Variants in XPO5 observed in about 807,000 individuals in gnomAD.
The protein encoded by XPO5 is exportin-5.
A neutral mutation model predicts 160.6 loss-of-function variants in XPO5; 46 were observed. The observed-to-expected ratio is 0.29, with a 90% CI of 0.23 to 0.37. The LOEUF is 0.37. Among genes scored for constraint, XPO5 ranks in the 10% least tolerant of loss-of-function variants. XPO5 has a pLI of 1.00. For synonymous variants in XPO5, 537 were observed against 519.3 expected (o/e 1.03, Z -0.46); for missense variants, 1,090 against 1,463.9 (o/e 0.74, Z 4.17).
chr6:43,541,713 G>A (rs1316973675), intron 20 of XPO5, among the ~76,000 whole-genome samples: 1 of 152,160 alleles, frequency 6.6e-6, no homozygotes, highest in Non-Finnish European at 1.5e-5. Flanking sequence ...ATAATGTTTT[G>A]AAGGTTGATC....
At chr6:43,551,548 G>T in intron 14 of XPO5, 95 bp from the exon 15 acceptor site, 6 of 1,456,002 alleles carry the variant, frequency 4.1e-6, no homozygotes, top group South Asian at 1.3e-5. Context: ...AAAGAGACAG[G>T]GTCTCATTCT....
Position 43,549,542 on chromosome 6 carries a change from G to A in XPO5, c.1807C>T (p.His603Tyr). The change falls in exon 17 of 32, where the codon CAT becomes TAT. Residue 603 changes from histidine to tyrosine, a missense_variant. By Grantham distance (83) the His-to-Tyr change is moderately conservative. Transcript: ENST00000265351. ...ATCTTGATGATGGAGGAACAAGCAT[G>A]CCTCCTCACATTCCTCACTGCCCGG... ...RTRAVRNVRR[H>Y]ACSSIIKMCR... 1 of 1,613,342 alleles carries A rather than the reference G, an allele frequency of 6.2e-7. No homozygotes were observed. Among genetic ancestry groups the A allele is most frequent in the Non-Finnish European group, 8.5e-7 (1 of 1,179,710 alleles).
intron 3 of XPO5, among the ~76,000 whole-genome samples, chr6:43,571,868 C>T (rs1291337011): frequency 6.6e-6 from 1 of 151,668 alleles, no homozygotes; most frequent in Non-Finnish European, 1.5e-5. Context: ...TAAAATTCTG[C>T]ATGTTTTTCA....
At position 43,522,602 on chromosome 6, in the gene XPO5, G is replaced by C. The variant is rs998638441; in HGVS notation, c.*1266C>G. ...CACACAGGAAGAGGGAGCAACACAA[G>C]ACTCCCAACTTCTGCTTCCCCAGCT... On this transcript the variant is annotated 3_prime_UTR_variant, in exon 32 of 32. Coordinates refer to ENST00000265351, the MANE Select transcript of XPO5 (RefSeq NM_020750.3). 1.6e-5 allele frequency: 6 copies of C among 370,878 alleles called. No homozygotes were observed. In the East Asian group the frequency reaches 3.4e-4, roughly 21 times the overall value. 23.0% of individuals were successfully genotyped at this position (370,878 alleles called of 1,614,324 possible).
In XPO5 at chr6:43,537,998, T is replaced by C. The variant is rs925035059; in HGVS notation, c.2343-3991A>G. 1.2e-4 allele frequency among the ~76,000 whole-genome samples: 18 copies of C among 148,478 alleles called. 1 individual carries two copies. Among genetic ancestry groups the C allele is most frequent in the East Asian group, 1.2e-3 (6 of 4,986 alleles). On this transcript the variant is annotated intron_variant, in intron 20 of 31. Transcript: ENST00000265351. ...CAGTCGAGAGGCTGAGGCAGGAGAA[T>C]TGCTTGATCCCGGGAGGCGGAGGGT...
Position 43,560,218 on chromosome 6 carries a change from A to G in XPO5, c.1181T>C (p.Ile394Thr), listed in dbSNP as rs748237210. The G allele has an allele frequency of 6.2e-5, 100 of 1,612,358 alleles. No homozygotes were observed. The highest frequency in any genetic ancestry group is 8.5e-5 in the Non-Finnish European group (100 of 1,179,180). Residue 394 changes from isoleucine (I) to threonine (T), a missense_variant, in exon 11 of 32, where the codon ATA becomes ACA. By Grantham distance (89) the Ile-to-Thr change is moderately conservative (BLOSUM62 -1). Transcript: ENST00000265351. ...LSRDPLLLAI[I>T]PKYLRASMTN... ...CATGGAAGCACGAAGATATTTTGGT[A>G]TTATTGCTAATAGCAAAGGATCACG...
intron 20 of XPO5, among the ~76,000 whole-genome samples, chr6:43,538,136 CATCTTTTTT>C: frequency 1.1e-5 from 1 of 92,138 alleles, no homozygotes; most frequent in African/African-American, 4.6e-5. Flanking sequence ...GCCTAAGAGA[CATCTTTTTT>C]TTTTTTTTTT....
chr6:43,567,240 A>G lies in XPO5; in HGVS notation c.763T>C (p.Cys255Arg). 6.2e-7 allele frequency: 1 copy of G among 1,614,018 alleles called. No individual in the cohort carries two copies. Among genetic ancestry groups the G allele is most frequent in the Non-Finnish European group, 8.5e-7 (1 of 1,179,880 alleles). The change falls in exon 7 of 32, where the codon TGT becomes CGT. Residue 255 changes from cysteine to arginine, a missense_variant. Coordinates refer to ENST00000265351, the MANE Select transcript of XPO5 (RefSeq NM_020750.3). ...AENCKLLEIL[C>R]LLLNEQELQL... ...AGTTCCTGTTCATTCAACAGCAAACACAGTATCTCCAGGAGTTTACAGTTT... is the reference window on the plus strand; with the variant it reads ...AGTTCCTGTTCATTCAACAGCAAACGCAGTATCTCCAGGAGTTTACAGTTT...
intron 5 of XPO5, among the ~76,000 whole-genome samples, chr6:43,570,188 T>G (rs1762933189): frequency 1.3e-5 from 2 of 149,752 alleles, no homozygotes; most frequent in Admixed American, 1.3e-4. Flanking sequence ...GGCGGGCGCC[T>G]GTAGTCCCAG....
intron 7 of XPO5, among the ~76,000 whole-genome samples, chr6:43,566,833 A>G (rs1762723265): frequency 6.7e-6 from 1 of 149,956 alleles, no homozygotes; most frequent in Non-Finnish European, 1.5e-5. Context: ...AAAAAAAAAA[A>G]GACAGATATA....
At position 43,549,544 on chromosome 6, in the gene XPO5, C is replaced by G; in HGVS notation, c.1805G>C (p.Arg602Thr). ...CTTGATGATGGAGGAACAAGCATGC[C>G]TCCTCACATTCCTCACTGCCCGGGT... is the stretch of plus-strand genomic sequence containing the variant. ...PRTRAVRNVR[R>T]HACSSIIKMC... The change falls in exon 17 of 32, where the codon AGG becomes ACG. Residue 602 changes from arginine to threonine, a missense_variant. Physicochemically the swap from Arg to Thr is moderately conservative, Grantham distance 71. This residue lies in a region of XPO5 where 810 missense variants were observed against 1,139.0 expected (regional missense o/e 0.71). Transcript: ENST00000265351. 1.9e-6 allele frequency: 3 copies of G among 1,613,214 alleles called. No individual in the cohort carries two copies. Among genetic ancestry groups the G allele is most frequent in the Non-Finnish European group, 2.5e-6 (3 of 1,179,704 alleles).
At position 43,567,331 on chromosome 6, in the gene XPO5, T is replaced by C. The variant is rs1209424952; in HGVS notation, c.672A>G (p.Gly224=). 3 of 1,609,514 alleles carry C rather than the reference T, an allele frequency of 1.9e-6. No individual in the cohort carries two copies. The Admixed American group carries it at 5.1e-5, about 27-fold the overall frequency. Residue 224 remains glycine (G), a synonymous_variant, in exon 7 of 32, where the codon GGA becomes GGG. Transcript: ENST00000265351. ...CTGCTAGAGTATTCAGTGCTGCAACTCCTACTCGACAGTTTGCTTGCGCCT... is the reference window on the plus strand; with the variant it reads ...CTGCTAGAGTATTCAGTGCTGCAACCCCTACTCGACAGTTTGCTTGCGCCT... The part of the protein sequence containing the change: ...ESKAQANCRV[G]VAALNTLAGY...
At chr6:43,541,115 G>A (rs762570088) in intron 20 of XPO5, among the ~76,000 whole-genome samples, 5 of 152,082 alleles carry the variant, frequency 3.3e-5, no homozygotes, top group African/African-American at 9.7e-5. Flanking sequence ...GAGGGTAGTG[G>A]TGGGTTAGGG....
chr6:43,526,561 A>C, intron 27 of XPO5, 124 bp downstream of exon 27: 1 of 1,087,530 alleles, frequency 9.2e-7, no homozygotes, highest in Non-Finnish European at 1.4e-6. Context: ...GGGCTGGTCC[A>C]GAGATGATAA....
intron 6 of XPO5, among the ~76,000 whole-genome samples, chr6:43,568,177 G>A (rs1027929900): frequency 2.6e-5 from 4 of 151,766 alleles, no homozygotes; most frequent in Admixed American, 6.6e-5. Flanking sequence ...GTGTGGTGGC[G>A]GGCACCTGTA....
chr6:43,538,268 G>T (rs1794476079), intron 20 of XPO5, among the ~76,000 whole-genome samples: 1 of 144,718 alleles, frequency 6.9e-6, no homozygotes, highest in African/African-American at 2.6e-5. Context: ...TCGTGCCTCA[G>T]CCTCCCAAGT....
chr6:43,545,199 G>A (rs930843103), intron 20 of XPO5, among the ~76,000 whole-genome samples: 1 of 152,090 alleles, frequency 6.6e-6, no homozygotes, highest in Non-Finnish European at 1.5e-5. Flanking sequence ...CCACAGACAT[G>A]TCCACAATGA....
intron 10 of XPO5, 103 bp downstream of exon 10, chr6:43,560,821 A>G (rs988058034): frequency 1.0e-6 from 1 of 979,876 alleles, no homozygotes; most frequent in Non-Finnish European, 1.6e-6. Flanking sequence ...CAAGGCCTGA[A>G]GAGTCACATT....
chr6:43,572,793 G>C (rs59433017), intron 2 of XPO5, among the ~76,000 whole-genome samples: 1 of 152,160 alleles, frequency 6.6e-6, no homozygotes, highest in Non-Finnish European at 1.5e-5. Flanking sequence ...ATATGCAGTG[G>C]TCCATTAACT....
Sources: gnomAD v4.1 joint callset for allele counts (sites outside exome capture counted in the v4.1 genomes callset) on GRCh38, gnomAD v4.1.1 for gene constraint, gnomAD v4.1.1 regional missense constraint, MANE v1.5 for transcripts, NCBI Gene and HGNC (gene_info 2026-07-23, HGNC 2026-07-21) for gene names.